CADPS2: variants seen among roughly 807,000 people sequenced by gnomAD.
The protein encoded by CADPS2 is calcium-dependent secretion activator 2.
A neutral mutation model predicts 172.5 loss-of-function variants in CADPS2; 93 were observed. The observed-to-expected ratio is 0.54, with a 90% CI of 0.46 to 0.64. The LOEUF is 0.64. CADPS2 is among the 30% of genes least tolerant of loss of function. CADPS2 has a pLI of 0.00. For missense variants in CADPS2, 1,420 were observed against 1,565.9 expected (o/e 0.91, Z 1.57); for synonymous variants, 546 against 555.2 (o/e 0.98, Z 0.23).
chr7:122,809,036 T>C (rs1799418316), intron 1 of CADPS2, among the ~76,000 whole-genome samples: 1 of 152,222 alleles, frequency 6.6e-6, no homozygotes, highest in African/African-American at 2.4e-5. Flanking sequence ...GGCAAGGCTC[T>C]GTATCCCCTT....
At chr7:122,589,391 G>A (rs956905403) in intron 6 of CADPS2, among the ~76,000 whole-genome samples, 1 of 151,858 alleles carries the variant, frequency 6.6e-6, no homozygotes. Context: ...GTTAAGCACT[G>A]TACAAATGTT....
At position 122,878,261 on chromosome 7, in the gene CADPS2, G is replaced by GAAA. The variant is rs34489409; in HGVS notation, c.339+7735_339+7737dup. ...GCGACAGAGCGAAACTCCGTCTCAA[G>GAAA]AAAAAAAAAAAAAAAAAGTGGGAAG... On this transcript the variant is annotated intron_variant, in intron 1 of 29. Coordinates refer to ENST00000449022, the MANE Select transcript of CADPS2 (RefSeq NM_017954.11). Among the ~76,000 whole-genome samples, 95 of 113,256 alleles carry GAAA rather than the reference G, an allele frequency of 8.4e-4. 3 individuals carry two copies. The highest frequency in any genetic ancestry group is 2.2e-3 in the African/African-American group (65 of 29,204). 74.3% of individuals were successfully genotyped at this position (113,256 alleles called of 152,430 possible). A position where few individuals can be genotyped will look rare whatever the true frequency, so the allele number is the denominator to read the frequency against.
At chr7:122,361,821 T>C (rs1444684363) in intron 25 of CADPS2, among the ~76,000 whole-genome samples, 3 of 151,912 alleles carry the variant, frequency 2.0e-5, no homozygotes, top group African/African-American at 7.3e-5. Flanking sequence ...TGCCTGTAAT[T>C]CCAGCACCTT....
intron 17 of CADPS2, among the ~76,000 whole-genome samples, chr7:122,432,079 T>C (rs1248482048): frequency 6.6e-6 from 1 of 152,284 alleles, no homozygotes; most frequent in East Asian, 1.9e-4. Flanking sequence ...TATTAATCTT[T>C]GGCTTTTGTG....
At chr7:122,719,811 GA>G (rs2090148214) in intron 2 of CADPS2, among the ~76,000 whole-genome samples, 1 of 151,484 alleles carries the variant, frequency 6.6e-6, no homozygotes, top group Non-Finnish European at 1.5e-5. Context: ...AATCATGACT[GA>G]AAAAAAGGAA....
intron 6 of CADPS2, among the ~76,000 whole-genome samples, chr7:122,601,200 A>C (rs2072718605): frequency 6.6e-6 from 1 of 151,990 alleles, no homozygotes; most frequent in Non-Finnish European, 1.5e-5. Flanking sequence ...TTTTTTTCAC[A>C]CTCAAATATT....
At chr7:122,568,211 CA>C (rs1391442673) in intron 7 of CADPS2, among the ~76,000 whole-genome samples, 1 of 151,982 alleles carries the variant, frequency 6.6e-6, no homozygotes, top group African/African-American at 2.4e-5. Context: ...CCAGCCTGGG[CA>C]ACACGGCAAA....
At chr7:122,703,934 G>T (rs190386268) in intron 2 of CADPS2, among the ~76,000 whole-genome samples, 2 of 151,948 alleles carry the variant, frequency 1.3e-5, no homozygotes, top group South Asian at 4.2e-4. Flanking sequence ...GAATCTTTAC[G>T]GCTTTAAAGA....
chr7:122,557,423 T>C (rs568822517), intron 7 of CADPS2, among the ~76,000 whole-genome samples: 31 of 152,114 alleles, frequency 2.0e-4, no homozygotes, highest in Admixed American at 3.3e-4. Context: ...ATTATTGTAA[T>C]TGGACAATTA....
chr7:122,541,764 T>TTATTC (rs1491181606), intron 8 of CADPS2, among the ~76,000 whole-genome samples: 6 of 145,254 alleles, frequency 4.1e-5, no homozygotes, highest in South Asian at 2.1e-4. Flanking sequence ...TTCATATATT[T>TTATTC]ATATATTCAC....
At chr7:122,599,663 C>T (rs879461163) in intron 6 of CADPS2, among the ~76,000 whole-genome samples, 11 of 152,030 alleles carry the variant, frequency 7.2e-5, no homozygotes, top group African/African-American at 1.2e-4. Flanking sequence ...ATTTTGTCAA[C>T]CGTAGAATTT....
At chr7:122,641,594 C>G (rs1019212362) in intron 3 of CADPS2, among the ~76,000 whole-genome samples, 1 of 152,124 alleles carries the variant, frequency 6.6e-6, no homozygotes, top group African/African-American at 2.4e-5. Context: ...TTATTTCATT[C>G]TAGGAAAGGC....
intron 28 of CADPS2, among the ~76,000 whole-genome samples, chr7:122,344,825 A>C (rs1585142394): frequency 3.3e-5 from 5 of 152,160 alleles, no homozygotes; most frequent in Admixed American, 1.3e-4. Context: ...ACTCATTCTA[A>C]TGGTGACAAT....
chr7:122,831,174 G>A (rs1806427384), intron 1 of CADPS2, among the ~76,000 whole-genome samples: 1 of 151,958 alleles, frequency 6.6e-6, no homozygotes, highest in African/African-American at 2.4e-5. Flanking sequence ...AATCAACTGG[G>A]GTTATTATTA....
chr7:122,755,162 G>C (rs1180977543), intron 1 of CADPS2, among the ~76,000 whole-genome samples: 1 of 152,122 alleles, frequency 6.6e-6, no homozygotes, highest in Non-Finnish European at 1.5e-5. Context: ...TTTTAGATTT[G>C]TATATTCTAA....
chr7:122,387,103 C>T lies in CADPS2; in HGVS notation c.3235G>A (p.Val1079Ile), dbSNP rs746540673. 16 of 1,569,718 alleles carry T rather than the reference C, an allele frequency of 1.0e-5. No individual in the cohort carries two copies. The Admixed American group carries it at 1.7e-4, about 16-fold the overall frequency. Residue 1079 changes from valine (V) to isoleucine (I), a missense_variant, in exon 24 of 30, where the codon GTT becomes ATT. By Grantham distance (29) the Val-to-Ile change is conservative (BLOSUM62 3). Transcript: ENST00000449022. ...ACTAATACATTAAACATAGTGCAAA[C>T]GGAAGCTGGAATGCGCAAGTCAGTT... The part of the protein sequence containing the change: ...KTTDLRIPAS[V>I]CTMFNVLVDA...
chr7:122,398,813 G>C (rs2045524685), intron 20 of CADPS2, among the ~76,000 whole-genome samples: 1 of 135,750 alleles, frequency 7.4e-6, no homozygotes, highest in African/African-American at 2.7e-5. Flanking sequence ...TGAGATTTAG[G>C]AATAGCACCC....
intron 6 of CADPS2, among the ~76,000 whole-genome samples, chr7:122,600,352 G>T (rs2072559642): frequency 6.6e-6 from 1 of 151,988 alleles, no homozygotes; most frequent in Non-Finnish European, 1.5e-5. Context: ...CTAGGTTGGG[G>T]ACCTTCTCTG....
intron 1 of CADPS2, among the ~76,000 whole-genome samples, chr7:122,772,667 A>G (rs970690668): frequency 6.6e-6 from 1 of 152,186 alleles, no homozygotes; most frequent in Admixed American, 6.5e-5. Flanking sequence ...AAGATTCTAT[A>G]TAAAGAAAAC....
Sources: gnomAD v4.1 joint callset for allele counts (sites outside exome capture counted in the v4.1 genomes callset) on GRCh38, gnomAD v4.1.1 for gene constraint, MANE v1.5 for transcripts, NCBI Gene and HGNC (gene_info 2026-07-23, HGNC 2026-07-21) for gene names.